CSMD2: variants seen among roughly 807,000 people sequenced by gnomAD.
CSMD2 encodes CUB and sushi domain-containing protein 2.
In CSMD2, 130 loss-of-function variants were observed where a neutral mutation model predicts 398.5. The ratio of observed to expected loss-of-function variants is 0.33; its 90% CI spans 0.28 to 0.38. The LOEUF (loss-of-function observed/expected upper bound fraction) is 0.38. CSMD2 is among the 10% of genes least tolerant of loss of function. CSMD2 has a pLI of 1.00. For synonymous variants in CSMD2, 1,828 were observed against 1,908.5 expected, an observed-to-expected ratio of 0.96 and a Z score of 1.10; for missense variants, 3,829 against 4,764.9, an observed-to-expected ratio of 0.80 and a Z score of 5.78.
chr1:33,583,943 A>G, intron 46 of CSMD2, 113 bp from the exon 47 acceptor site: 2 of 840,202 alleles, frequency 2.4e-6, no homozygotes, highest in East Asian at 5.0e-5. Flanking sequence ...GTATTTGAGC[A>G]CATTCAGATA....
At chr1:33,603,129 G>A (rs1400764850) in intron 42 of CSMD2, among the ~76,000 whole-genome samples, 2 of 152,088 alleles carry the variant, frequency 1.3e-5, no homozygotes, top group East Asian at 3.9e-4. Context: ...ATGGAACTAA[G>A]AATACCTCCC....
intron 10 of CSMD2, chr1:33,804,883 C>T: frequency 1.4e-6 from 1 of 717,352 alleles, no homozygotes; most frequent in East Asian, 2.7e-5. Context: ...TGTATGTTCC[C>T]TGGGTCTCCT....
chr1:33,974,594 C>T (rs997945581), intron 3 of CSMD2, among the ~76,000 whole-genome samples: 36 of 152,168 alleles, frequency 2.4e-4, no homozygotes, highest in African/African-American at 8.4e-4. Context: ...CTTGATGTCC[C>T]AGGGCTAGTC....
intron 12 of CSMD2, among the ~76,000 whole-genome samples, chr1:33,776,961 G>A (rs1471812622): frequency 1.3e-5 from 2 of 152,156 alleles, no homozygotes; most frequent in Non-Finnish European, 2.9e-5. Context: ...ACACTGAAAG[G>A]AAGTGAGAAG....
At chr1:33,994,054 T>G (rs541776370) in intron 3 of CSMD2, among the ~76,000 whole-genome samples, 1 of 152,254 alleles carries the variant, frequency 6.6e-6, no homozygotes, top group Admixed American at 6.5e-5. Flanking sequence ...ATTGTTTGAC[T>G]CCAGGATGTG....
chr1:33,819,929 T>C, intron 8 of CSMD2, 92 bp from the exon 9 acceptor site: 1 of 1,524,716 alleles, frequency 6.6e-7, no homozygotes, highest in Non-Finnish European at 8.9e-7. Flanking sequence ...GCCGCACATG[T>C]TATTTTTCCT....
intron 2 of CSMD2, among the ~76,000 whole-genome samples, chr1:34,040,408 C>A (rs1418853862): frequency 1.3e-5 from 2 of 152,162 alleles, no homozygotes; most frequent in East Asian, 1.9e-4. Flanking sequence ...GACTGACATC[C>A]CTTTTCTTTT....
rs1642580671 is a variant in CSMD2 at position 33,633,321 on chromosome 1, TTCCACCTGCG to T, written c.5200+91_5200+100del. On this transcript the variant is annotated intron_variant, in intron 32 of 70. Transcript: ENST00000373381. The surrounding 1 kb of genome is among the most constrained non-coding windows in gnomAD (Gnocchi z 5.0). ...ACGACAGGCACGCAGAGCCGTAGGG[TTCCACCTGCG>T]GCCATGGGGTGCTTCTAGAGCCTCC... The T allele has an allele frequency of 4.8e-6, 4 of 834,540 alleles. No homozygotes were observed. The South Asian group carries it at 6.2e-5, about 13-fold the overall frequency. 51.7% of individuals were successfully genotyped at this position (834,540 alleles called of 1,614,324 possible).
chr1:33,700,711 C>T (rs202039666), intron 22 of CSMD2, 38 bp from the exon 23 acceptor site: 9 of 1,611,282 alleles, frequency 5.6e-6, no homozygotes, highest in Admixed American at 3.3e-5. Flanking sequence ...ATGTCGTCAG[C>T]ATGGCCTTAT....
At chr1:33,992,971 C>A (rs187248746) in intron 3 of CSMD2, among the ~76,000 whole-genome samples, 2 of 151,434 alleles carry the variant, frequency 1.3e-5, no homozygotes, top group Admixed American at 1.3e-4. Context: ...GCTCTAAAGA[C>A]ATATGACATG....
At chr1:33,810,194 G>GA (rs1404902792) in intron 10 of CSMD2, among the ~76,000 whole-genome samples, 1 of 151,838 alleles carries the variant, frequency 6.6e-6, no homozygotes, top group East Asian at 1.9e-4. Flanking sequence ...GGGCACAGGA[G>GA]AAAAAAACTC....
chr1:33,994,884 T>G (rs993848887), intron 3 of CSMD2, among the ~76,000 whole-genome samples: 1 of 151,944 alleles, frequency 6.6e-6, no homozygotes, highest in African/African-American at 2.4e-5. Flanking sequence ...GCCAACACAG[T>G]GAAACCCCAT....
chr1:33,693,844 G>A (rs898765062), intron 24 of CSMD2, among the ~76,000 whole-genome samples: 5 of 152,008 alleles, frequency 3.3e-5, no homozygotes, highest in Non-Finnish European at 7.4e-5. Context: ...GCTTACCTGC[G>A]GTCGGGAGTT....
chr1:33,659,610 A>G (rs138108740), intron 26 of CSMD2, among the ~76,000 whole-genome samples: 3 of 152,386 alleles, frequency 2.0e-5, no homozygotes, highest in Middle Eastern at 3.4e-3. Context: ...CCTTAAAGAT[A>G]TTTTGTGCTT....
At chr1:33,805,611 A>G (rs1432110146) in intron 10 of CSMD2, among the ~76,000 whole-genome samples, 1 of 152,198 alleles carries the variant, frequency 6.6e-6, no homozygotes, top group East Asian at 1.9e-4. Flanking sequence ...ATATTTGAAG[A>G]TGGGGCTTTT....
At position 33,577,516 on chromosome 1, in the gene CSMD2, C is replaced by T. The variant is rs766843972; in HGVS notation, c.7388-32G>A. On this transcript the variant is annotated intron_variant, in intron 48 of 70. Coordinates refer to ENST00000373381, the MANE Select transcript of CSMD2 (RefSeq NM_001281956.2). ...AACAAGATGAGGTTCAGGGAACTGG[C>T]ACCAGCAGGAAGACAGACATGGTCT... is the stretch of plus-strand genomic sequence containing the variant. The T allele has an allele frequency of 3.8e-6, 6 of 1,573,402 alleles. No individual in the cohort carries two copies. The South Asian group carries it at 6.9e-5, about 18-fold the overall frequency.
chr1:33,989,069 T>C (rs1013860731), intron 3 of CSMD2, among the ~76,000 whole-genome samples: 2 of 86,510 alleles, frequency 2.3e-5, no homozygotes, highest in Admixed American at 1.3e-4. Flanking sequence ...TATATATATA[T>C]GGATGCATAA....
rs980823745 is a variant in CSMD2 at position 33,625,059 on chromosome 1, G to A, written c.5492C>T (p.Thr1831Met). The A allele has an allele frequency of 5.0e-6, 8 of 1,613,958 alleles. No homozygotes were observed. The highest frequency in any genetic ancestry group is 5.1e-6 in the Non-Finnish European group (6 of 1,179,972). The change falls in exon 34 of 71, where the codon ACG (threonine) becomes ATG (methionine). Residue 1831 changes from threonine to methionine, a missense_variant. Transcript: ENST00000373381. ...ALAQWNVSAPTCVVPCGGNLT... is the reference protein window; with the variant it reads ...ALAQWNVSAPMCVVPCGGNLT... ...GGGTCCTGGTTACTCACCCACACAC[G>A]TGGGCGCTGAGACATTCCATTGGGC...
In CSMD2 at chr1:33,537,558, C is replaced by T. The variant is rs370463081; in HGVS notation, c.9683G>A (p.Arg3228Gln). Residue 3228 changes from arginine (R) to glutamine (Q), a missense_variant, in exon 61 of 71, where the codon CGA (arginine) becomes CAA (glutamine). Around this residue, in one of 5 missense-constraint regions of CSMD2, gnomAD observed 917 missense variants for 1,199.5 expected, o/e 0.76. Coordinates refer to ENST00000373381, the MANE Select transcript of CSMD2 (RefSeq NM_001281956.2). The surrounding 1 kb of genome is among the most constrained non-coding windows in gnomAD (Gnocchi z 4.6). ...GACAGATGACCTGTAGGAGAAGCCT[C>T]GGTCCTCTCTCCTCCCACGGGACGG... ...GVPSRGRRED[R>Q]GFSYRSSVSF... The T allele has an allele frequency of 1.8e-5, 29 of 1,614,048 alleles. No individual in the cohort carries two copies. The highest frequency in any genetic ancestry group is 1.1e-4 in the East Asian group (5 of 44,886).
Sources: allele counts gnomAD v4.1 joint callset (sites outside exome capture counted in the v4.1 genomes callset), GRCh38; gene constraint gnomAD v4.1.1; regional missense constraint gnomAD v4.1.1; non-coding constraint Gnocchi (gnomAD v3.1); transcripts MANE v1.5; gene names NCBI Gene and HGNC (gene_info 2026-07-23, HGNC 2026-07-21).